Variants in GON4L observed in about 807,000 individuals in gnomAD.
GON4L encodes the protein GON-4-like protein.
A neutral mutation model predicts 211.8 loss-of-function variants in GON4L; 87 were observed. That is an observed-to-expected ratio of 0.41 (90% confidence interval 0.35 to 0.49). GON4L has a LOEUF of 0.49. Among genes scored for constraint, GON4L ranks in the 20% least tolerant of loss-of-function variants. The pLI is 0.15. For missense variants in GON4L, 2,155 were observed against 2,659.5 expected, an observed-to-expected ratio of 0.81 and a Z score of 4.17; for synonymous variants, 875 against 962.6, an observed-to-expected ratio of 0.91 and a Z score of 1.68.
At chr1:155,802,270 T>A (rs1296544770) in intron 11 of GON4L, among the ~76,000 whole-genome samples, 2 of 138,832 alleles carry the variant, frequency 1.4e-5, no homozygotes, top group Admixed American at 1.5e-4. Flanking sequence ...CCCAAAAAAA[T>A]CATATGAAAA....
intron 7 of GON4L, 130 bp from the exon 8 acceptor site, chr1:155,816,030 A>T: frequency 1.4e-6 from 1 of 722,548 alleles, no homozygotes; most frequent in Non-Finnish European, 2.5e-6. Flanking sequence ...TAAAGCAAAT[A>T]ACACGAGGCA....
At chr1:155,856,805 C>G (rs934221436) in intron 1 of GON4L, among the ~76,000 whole-genome samples, 2 of 148,136 alleles carry the variant, frequency 1.4e-5, no homozygotes, top group Admixed American at 6.6e-5. Flanking sequence ...AGAAAGACAG[C>G]TACTTCAGCT....
chr1:155,777,352 G>A (rs1663921791), intron 15 of GON4L, among the ~76,000 whole-genome samples: 2 of 152,120 alleles, frequency 1.3e-5, no homozygotes, highest in African/African-American at 4.8e-5. Flanking sequence ...AGGCCGAGGC[G>A]GGCGGATCAC....
chr1:155,767,367 C>T, intron 20 of GON4L, 58 bp downstream of exon 20: 3 of 1,613,916 alleles, frequency 1.9e-6, no homozygotes, highest in South Asian at 1.1e-5. Flanking sequence ...CCTTGATATT[C>T]TCTCAGAACT....
chr1:155,801,765 C>T (rs369950382), intron 11 of GON4L, among the ~76,000 whole-genome samples: 11 of 152,118 alleles, frequency 7.2e-5, no homozygotes, highest in African/African-American at 2.4e-4. Flanking sequence ...CGCATGTAAT[C>T]CCAACTACTG....
intron 10 of GON4L, among the ~76,000 whole-genome samples, chr1:155,809,309 T>C (rs541984328): frequency 1.3e-5 from 2 of 152,214 alleles, no homozygotes; most frequent in African/African-American, 2.4e-5. Flanking sequence ...GTTTATATGT[T>C]TATAGTCTAT....
downstream of GON4L, chr1:155,748,814 C>T (rs781156072): frequency 1.5e-5 from 24 of 1,589,212 alleles, no homozygotes; most frequent in Non-Finnish European, 1.9e-5. Context: ...CCTTAGGAGT[C>T]CTTGTCAGAT....
rs769382828 is a variant in GON4L, at chr1:155,814,406, C to T, written c.1205G>A (p.Arg402His). ...SDVESTASSP[R>H]GAKKSRLRQS... is the part of the protein sequence containing the mutation. The stretch of plus-strand genomic sequence containing the variant: ...CCTCAATCTGGATTTCTTTGCCCCA[C>T]GTGGAGATGAAGCAGTGCTTTCAAC... The change falls in exon 9 of 32, where the codon CGT becomes CAT. Residue 402 changes from arginine (R) to histidine (H), a missense_variant. Around this residue, in one of 6 missense-constraint regions of GON4L, gnomAD observed 551 missense variants for 854.0 expected, o/e 0.65. Transcript: ENST00000368331. The T allele has an allele frequency of 7.4e-6, 12 of 1,613,092 alleles. No individual in the cohort carries two copies. The highest frequency in any genetic ancestry group is 2.2e-5 in the East Asian group (1 of 44,886).
At position 155,813,661 on chromosome 1, in the gene GON4L, G is replaced by A; in HGVS notation, c.1425C>T (p.Ser475=). ...GGAAAGAATCCATGCAGACTGGACT[G>A]GAAGCCAGCTCCTCATCTACCGCAT... ...KLHAVDEELA[S]SPVCMDSFQP... is the part of the protein sequence containing the mutation. The change falls in exon 10 of 32, where the codon TCC becomes TCT. Residue 475 remains serine (S), a synonymous_variant. Transcript: ENST00000368331. 6.2e-7 allele frequency: 1 copy of A among 1,613,320 alleles called. No individual in the cohort carries two copies. Among genetic ancestry groups the A allele is most frequent in the East Asian group, 2.2e-5 (1 of 44,886 alleles).
At chr1:155,808,534 A>T (rs1368994276) in intron 10 of GON4L, among the ~76,000 whole-genome samples, 1 of 152,048 alleles carries the variant, frequency 6.6e-6, no homozygotes, top group Non-Finnish European at 1.5e-5. Flanking sequence ...TTTCTTCCAT[A>T]TGGAGCACTT....
chr1:155,748,230 T>C, downstream of GON4L: 1 of 1,326,250 alleles, frequency 7.5e-7, no homozygotes, highest in Non-Finnish European at 1.0e-6. Context: ...GGCCCGAGCT[T>C]GAACTCAGCT....
At chr1:155,815,738 C>A in intron 8 of GON4L, 67 bp downstream of exon 8, 2 of 903,920 alleles carry the variant, frequency 2.2e-6, no homozygotes, top group Admixed American at 1.8e-5. Flanking sequence ...CTACAAGTGA[C>A]ATTACTAAGG....
chr1:155,854,739 G>C (rs1027982456), intron 1 of GON4L, among the ~76,000 whole-genome samples: 3 of 152,072 alleles, frequency 2.0e-5, no homozygotes, highest in Non-Finnish European at 2.9e-5. Flanking sequence ...TGTTTAAAAG[G>C]TTAGGCTATG....
intron 14 of GON4L, among the ~76,000 whole-genome samples, chr1:155,780,418 C>G (rs1009331697): frequency 6.6e-5 from 10 of 151,738 alleles, no homozygotes; most frequent in African/African-American, 9.7e-5. Flanking sequence ...ATGGCGAAAC[C>G]CTGTCTCTAT....
intron 2 of GON4L, among the ~76,000 whole-genome samples, chr1:155,851,461 A>C (rs972896054): frequency 2.0e-5 from 3 of 151,824 alleles, no homozygotes; most frequent in Non-Finnish European, 4.4e-5. Context: ...CACGCCTGTA[A>C]TCCCAGCACT....
At chr1:155,821,286 AAAT>A (rs1030422421) in intron 5 of GON4L, among the ~76,000 whole-genome samples, 185 bp downstream of exon 5, 1 of 151,214 alleles carries the variant, frequency 6.6e-6, no homozygotes, top group Non-Finnish European at 1.5e-5. Context: ...AATAATAATA[AAAT>A]AATAATAATA....
At chr1:155,748,532 G>T (rs1660344092), downstream of GON4L, 1 of 1,613,776 alleles carries the variant, frequency 6.2e-7, no homozygotes, top group African/African-American at 1.3e-5. Context: ...TGGGAAAAAG[G>T]TATGAAGCTT....
intron 2 of GON4L, among the ~76,000 whole-genome samples, chr1:155,843,859 C>G (rs982267896): frequency 1.3e-5 from 2 of 152,148 alleles, no homozygotes; most frequent in African/African-American, 4.8e-5. Flanking sequence ...GCATAACTTG[C>G]AAGGATTCAA....
In GON4L at chr1:155,815,794, C is replaced by T; in HGVS notation, c.1161+11G>A. ...TATTAAGACAAATATTACCAACTAA[C>T]ATTCACTGACCTCTTCAGCAGTTTC... On this transcript the variant is annotated intron_variant, in intron 8 of 31. Coordinates refer to ENST00000368331, the MANE Select transcript of GON4L (RefSeq NM_001282860.2). 1.4e-6 allele frequency: 2 copies of T among 1,475,080 alleles called. No individual in the cohort carries two copies. The highest frequency in any genetic ancestry group is 1.9e-6 in the Non-Finnish European group (2 of 1,053,216). 91.4% of individuals were successfully genotyped at this position (1,475,080 alleles called of 1,614,324 possible).
Sources: allele counts gnomAD v4.1 joint callset (sites outside exome capture counted in the v4.1 genomes callset), GRCh38; gene constraint gnomAD v4.1.1; regional missense constraint gnomAD v4.1.1; transcripts MANE v1.5; gene names NCBI Gene and HGNC (gene_info 2026-07-23, HGNC 2026-07-21).